HIKESHI: variants seen among roughly 807,000 people sequenced by gnomAD.
HIKESHI encodes protein Hikeshi.
Under a neutral mutation model 25.7 loss-of-function variants are expected in HIKESHI, and 13 were observed. That is an observed-to-expected ratio of 0.51 (90% CI 0.33 to 0.80). The LOEUF is 0.80. Ranked by LOEUF, HIKESHI falls within the 30% of genes least tolerant of loss-of-function variation. The probability of loss-of-function intolerance (pLI) is 0.02; values close to 1 mark genes in which losing one functional copy is unlikely to be tolerated. For synonymous variants in HIKESHI, 76 were observed against 78.7 expected, an observed-to-expected ratio of 0.97 and a Z score of 0.18; for missense variants, 174 against 229.5, an observed-to-expected ratio of 0.76 and a Z score of 1.56.
In HIKESHI at chr11:86,312,175, T is replaced by G. The variant is rs540903056; in HGVS notation, c.268+5693T>G. 2.6e-5 allele frequency among the ~76,000 whole-genome samples: 4 copies of G among 152,298 alleles called. No homozygotes were observed. The East Asian group carries it at 7.7e-4, about 29-fold the overall frequency. ...GACAGTGGGGTGTTAAAGTCTCCCATTATCATTGTGTGGGAGTCTAAGTCT... is the reference window on the plus strand; with the variant it reads ...GACAGTGGGGTGTTAAAGTCTCCCAGTATCATTGTGTGGGAGTCTAAGTCT... On this transcript the variant is annotated intron_variant, in intron 2 of 4. Transcript: ENST00000278483.
At chr11:86,312,502 C>G (rs1946860288) in intron 2 of HIKESHI, among the ~76,000 whole-genome samples, 1 of 151,724 alleles carries the variant, frequency 6.6e-6, no homozygotes, top group African/African-American at 2.4e-5. Context: ...TGGGTCTTGA[C>G]TCTTTATCCA....
At chr11:86,343,826 C>T (rs1290746694) in intron 3 of HIKESHI, 1 of 152,130 alleles carries the variant, frequency 6.6e-6, no homozygotes. Flanking sequence ...GAAAGTGATG[C>T]TGGAAAGGTT....
chr11:86,344,560 GAAGTA>G (rs1436264544), intron 3 of HIKESHI, 38 bp from the exon 4 acceptor site: 2 of 1,099,754 alleles, frequency 1.8e-6, no homozygotes, highest in Non-Finnish European at 2.7e-6. Context: ...AGTTCTAAAT[GAAGTA>G]TTCAGTATAA....
chr11:86,340,466 T>G (rs1009766747), intron 3 of HIKESHI, among the ~76,000 whole-genome samples: 1 of 152,220 alleles, frequency 6.6e-6, no homozygotes, highest in Non-Finnish European at 1.5e-5. Context: ...AAATGGTATC[T>G]CACTGTGGTT....
chr11:86,339,534 G>T (rs1187645889), intron 3 of HIKESHI, among the ~76,000 whole-genome samples: 1 of 152,148 alleles, frequency 6.6e-6, no homozygotes, highest in African/African-American at 2.4e-5. Context: ...AGGCATTATA[G>T]ATATAGCCCA....
rs747834214 is a variant in HIKESHI at position 86,306,225 on chromosome 11, A to T, written c.31-20A>T. 4.5e-6 allele frequency: 7 copies of T among 1,550,970 alleles called. No homozygotes were observed. Among genetic ancestry groups the T allele is most frequent in the Non-Finnish European group, 6.2e-6 (7 of 1,125,328 alleles). Reference sequence around the variant, plus strand: ...AAACTCATAGAACCATTGAACTGAGACAAGTTTCTTATTTTCTAGGTGCAA... The same window carrying T: ...AAACTCATAGAACCATTGAACTGAGTCAAGTTTCTTATTTTCTAGGTGCAA... On this transcript the variant is annotated intron_variant, in intron 1 of 4. Transcript: ENST00000278483.
chr11:86,308,495 G>A (rs1036224621), intron 2 of HIKESHI, among the ~76,000 whole-genome samples: 1 of 148,352 alleles, frequency 6.7e-6, no homozygotes, highest in East Asian at 2.0e-4. Flanking sequence ...ATTGTTGAAC[G>A]AGATTTGATC....
intron 2 of HIKESHI, among the ~76,000 whole-genome samples, chr11:86,321,133 C>T (rs1385502818): frequency 6.6e-6 from 1 of 152,114 alleles, no homozygotes; most frequent in African/African-American, 2.4e-5. Flanking sequence ...CGAGGTTTCA[C>T]CATGTTGGCC....
intron 4 of HIKESHI, 137 bp downstream of exon 4, chr11:86,344,858 G>T (rs1398049527): frequency 3.3e-6 from 2 of 609,430 alleles, no homozygotes; most frequent in East Asian, 5.6e-5. Context: ...ATTAAAGTAT[G>T]TACTATAGAG....
In HIKESHI at chr11:86,302,296, G is replaced by T. The variant is rs989172663; in HGVS notation, c.-153G>T. On this transcript the variant is annotated 5_prime_UTR_variant, in exon 1 of 5. Coordinates refer to ENST00000278483, the MANE Select transcript of HIKESHI (RefSeq NM_016401.4). Reference sequence around the variant, plus strand: ...AAGGTCAGAGTTCGCGGGGGCAGAGGCATTCTTGCCGCTGGCCCAGTCACT... The same window carrying T: ...AAGGTCAGAGTTCGCGGGGGCAGAGTCATTCTTGCCGCTGGCCCAGTCACT... The T allele has an allele frequency of 1.2e-4, 99 of 851,932 alleles. No individual in the cohort carries two copies. Among genetic ancestry groups the T allele is most frequent in the Middle Eastern group, 2.2e-4 (1 of 4,582 alleles). The allele number at this position is 851,932 out of a possible 1,614,324, so 52.8% of individuals were successfully genotyped here. A position where few individuals can be genotyped will look rare whatever the true frequency, so the allele number is the denominator to read the frequency against.
intron 2 of HIKESHI, among the ~76,000 whole-genome samples, chr11:86,310,059 G>C (rs914738554): frequency 1.0e-4 from 15 of 147,710 alleles, no homozygotes; most frequent in Non-Finnish European, 1.8e-4. Flanking sequence ...GCTCTTTTTT[G>C]GTTCCATATG....
intron 3 of HIKESHI, among the ~76,000 whole-genome samples, chr11:86,340,727 C>T (rs1021129099): frequency 6.6e-6 from 1 of 152,176 alleles, no homozygotes; most frequent in Non-Finnish European, 1.5e-5. Context: ...CTCCTGCAAC[C>T]TCTGCCTCTC....
At position 86,302,249 on chromosome 11, in the gene HIKESHI, G is replaced by A; in HGVS notation, c.-200G>A. The A allele has an allele frequency of 6.5e-6, 4 of 615,662 alleles. No homozygotes were observed. The highest frequency in any genetic ancestry group is 1.2e-5 in the Non-Finnish European group (4 of 340,864). 38.1% of individuals were successfully genotyped at this position (615,662 alleles called of 1,614,324 possible). ...AGCCCCGGAAGTACTTGTTGCCTGAGCAGTGGGCTGCTTAGGAAGAGAAGG... is the reference window on the plus strand; with the variant it reads ...AGCCCCGGAAGTACTTGTTGCCTGAACAGTGGGCTGCTTAGGAAGAGAAGG... On this transcript the variant is annotated 5_prime_UTR_variant, in exon 1 of 5. Transcript: ENST00000278483.
At chr11:86,314,940 C>T (rs1946934877) in intron 2 of HIKESHI, among the ~76,000 whole-genome samples, 1 of 152,140 alleles carries the variant, frequency 6.6e-6, no homozygotes, top group South Asian at 2.1e-4. Context: ...AAATAAGTTC[C>T]CAAATGTTTG....
chr11:86,307,862 T>A (rs111219057), intron 2 of HIKESHI, among the ~76,000 whole-genome samples: 77,249 of 111,224 alleles, frequency 0.69, 27,185 homozygotes, highest in East Asian at 0.82. Flanking sequence ...GTAATATACA[T>A]TATATAAAAT....
rs1306842073 is a variant in HIKESHI at position 86,344,268 on chromosome 11, G to T, written c.421-335G>T. On this transcript the variant is annotated intron_variant, in intron 3 of 4. Coordinates refer to ENST00000278483, the MANE Select transcript of HIKESHI (RefSeq NM_016401.4). ...ATTTTTTTCTTTTTTTTTCCCCAAAGTGAGTAGCATATTTCACAGTGTCAT... is the reference window on the plus strand; with the variant it reads ...ATTTTTTTCTTTTTTTTTCCCCAAATTGAGTAGCATATTTCACAGTGTCAT... The T allele has an allele frequency of 4.6e-5, 9 of 197,336 alleles. No individual in the cohort carries two copies. The East Asian group carries it at 9.4e-4, about 21-fold the overall frequency. 12.2% of individuals were successfully genotyped at this position (197,336 alleles called of 1,614,324 possible).
chr11:86,307,012 A>T (rs190008871), intron 2 of HIKESHI, among the ~76,000 whole-genome samples: 9,641 of 129,354 alleles, frequency 0.075, 649 homozygotes, highest in African/African-American at 0.14. Context: ...AGAAAAAAAA[A>T]ATATATATAT....
At position 86,322,376 on chromosome 11, in the gene HIKESHI, T is replaced by C. The variant is rs576303667; in HGVS notation, c.269-15003T>C. On this transcript the variant is annotated intron_variant, in intron 2 of 4. Transcript: ENST00000278483. Reference sequence around the variant, plus strand: ...TTTACATGTTTTTAATAGGGTTGTTTTCTTAAAGTTGTTTTAAGAGTTCTA... The same window carrying C: ...TTTACATGTTTTTAATAGGGTTGTTCTCTTAAAGTTGTTTTAAGAGTTCTA... 3.3e-5 allele frequency among the ~76,000 whole-genome samples: 5 copies of C among 152,324 alleles called. No homozygotes were observed. The South Asian group carries it at 1.0e-3, about 32-fold the overall frequency.
chr11:86,318,972 A>G (rs986521890), intron 2 of HIKESHI, among the ~76,000 whole-genome samples: 2 of 152,090 alleles, frequency 1.3e-5, no homozygotes, highest in African/African-American at 4.8e-5. Context: ...GCTGGAGTGC[A>G]ATGTCCACAT....
Sources: gnomAD v4.1 joint callset for allele counts (sites outside exome capture counted in the v4.1 genomes callset) on GRCh38, gnomAD v4.1.1 for gene constraint, MANE v1.5 for transcripts, NCBI Gene and HGNC (gene_info 2026-07-23, HGNC 2026-07-21) for gene names.